Variants in CD69 observed in about 807,000 individuals in gnomAD.
The protein encoded by CD69 is CD69 molecule.
A neutral mutation model predicts 21.4 loss-of-function variants in CD69; 10 were observed. That is an observed-to-expected ratio of 0.47 (90% CI 0.29 to 0.79). CD69 has a LOEUF of 0.79. Among genes scored for constraint, CD69 ranks in the 30% least tolerant of loss-of-function variants. The probability of loss-of-function intolerance (pLI) is 0.09; values close to 1 mark genes in which losing one functional copy is unlikely to be tolerated. For synonymous variants in CD69, 63 were observed against 78.2 expected, an observed-to-expected ratio of 0.81 and a Z score of 1.03; for missense variants, 204 against 236.9, an observed-to-expected ratio of 0.86 and a Z score of 0.91.
chr12:9,756,554 A>G (rs1425376281), intron 1 of CD69, 135 bp from the exon 2 acceptor site: 1 of 731,184 alleles, frequency 1.4e-6, no homozygotes, highest in Non-Finnish European at 2.1e-6. Flanking sequence ...CTTTATAGAA[A>G]TTTCTAAGTT....
At chr12:9,754,816 A>G in intron 3 of CD69, 126 bp from the exon 4 acceptor site, 1 of 733,248 alleles carries the variant, frequency 1.4e-6, no homozygotes, top group Non-Finnish European at 2.4e-6. Flanking sequence ...CTCATTCTAT[A>G]TAGGATCAGC....
At chr12:9,759,659 A>G (rs1301909495) in intron 1 of CD69, among the ~76,000 whole-genome samples, 1 of 152,098 alleles carries the variant, frequency 6.6e-6, no homozygotes, top group East Asian at 1.9e-4. Flanking sequence ...TCGGAAGTAA[A>G]CTAATATAGT....
At chr12:9,755,309 C>T (rs1207580815) in intron 2 of CD69, 48 bp from the exon 3 acceptor site, 1 of 1,479,544 alleles carries the variant, frequency 6.8e-7, no homozygotes, top group Non-Finnish European at 9.5e-7. Flanking sequence ...AAACCAAATA[C>T]CCACAGCATG....
chr12:9,755,010 G>T (rs752878544), intron 3 of CD69, 52 bp downstream of exon 3: 7 of 1,416,612 alleles, frequency 4.9e-6, no homozygotes, highest in South Asian at 1.2e-5. Context: ...GGAAAGCACT[G>T]ATTAGCCATA....
intron 4 of CD69, chr12:9,754,349 A>G (rs1476370414): frequency 3.3e-6 from 1 of 301,798 alleles, no homozygotes; most frequent in Non-Finnish European, 6.1e-6. Flanking sequence ...CTCACATTAG[A>G]GTTTGCTGAG....
chr12:9,757,253 G>A (rs866247604), intron 1 of CD69, among the ~76,000 whole-genome samples: 5 of 152,162 alleles, frequency 3.3e-5, no homozygotes, highest in African/African-American at 7.2e-5. Context: ...AATTTTAAAC[G>A]TGACAGTATT....
In CD69 at chr12:9,760,779, C is replaced by T. The variant is rs755533294; in HGVS notation, c.42G>A (p.Leu14=). 3.7e-6 allele frequency: 6 copies of T among 1,612,906 alleles called. No individual in the cohort carries two copies. The South Asian group carries it at 5.5e-5, about 15-fold the overall frequency. ...TACTTTCTTGTCCACTCTCCGGATG[C>T]AAAGAGCTGTTCTCTGCTACGAAAC... ...ENCFVAENSS[L]HPESGQENDA... The change falls in exon 1 of 5, where the codon TTG becomes TTA. Residue 14 remains leucine (L), a synonymous_variant. Transcript: ENST00000228434.
At chr12:9,756,601 A>T (rs1866681514) in intron 1 of CD69, among the ~76,000 whole-genome samples, 182 bp from the exon 2 acceptor site, 1 of 152,158 alleles carries the variant, frequency 6.6e-6, no homozygotes, top group African/African-American at 2.4e-5. Context: ...TGAATAGTTT[A>T]TTGTTGGCTT....
intron 2 of CD69, among the ~76,000 whole-genome samples, chr12:9,755,741 AC>A (rs1866674207): frequency 6.6e-6 from 1 of 152,214 alleles, no homozygotes; most frequent in Non-Finnish European, 1.5e-5. Flanking sequence ...ATATCTCAAA[AC>A]AATGGTAAAC....
intron 1 of CD69, 98 bp downstream of exon 1, chr12:9,760,659 A>C: frequency 2.4e-6 from 2 of 846,712 alleles, no homozygotes; most frequent in Non-Finnish European, 1.9e-6. Context: ...AAGATTATAT[A>C]TCATATATAG....
intron 1 of CD69, among the ~76,000 whole-genome samples, chr12:9,758,267 C>A (rs183870410): frequency 2.8e-4 from 43 of 152,108 alleles, no homozygotes; most frequent in Middle Eastern, 3.4e-3. Flanking sequence ...TCTTAAAATG[C>A]GGCCCCACAA....
At chr12:9,757,622 CAAAAAAAATGT>C (rs1253291751) in intron 1 of CD69, among the ~76,000 whole-genome samples, 1 of 151,314 alleles carries the variant, frequency 6.6e-6, no homozygotes, top group African/African-American at 2.4e-5. Context: ...AAGGAATCTC[CAAAAAAAATGT>C]TGAGTGAAAA....
At chr12:9,756,458 A>G in intron 1 of CD69, 39 bp from the exon 2 acceptor site, 1 of 1,574,296 alleles carries the variant, frequency 6.4e-7, no homozygotes, top group Non-Finnish European at 8.7e-7. Flanking sequence ...CAGGCAGACT[A>G]TAGAAGTACT....
chr12:9,756,464 G>A (rs201305935), intron 1 of CD69, 45 bp from the exon 2 acceptor site: 1 of 1,524,968 alleles, frequency 6.6e-7, no homozygotes, highest in South Asian at 1.2e-5. Context: ...GACTATAGAA[G>A]TACTATAGGA....
At chr12:9,756,604 G>T (rs778122495) in intron 1 of CD69, among the ~76,000 whole-genome samples, 185 bp from the exon 2 acceptor site, 2 of 152,006 alleles carry the variant, frequency 1.3e-5, no homozygotes, top group Non-Finnish European at 2.9e-5. Context: ...ATAGTTTATT[G>T]TTGGCTTGAA....
At chr12:9,756,637 A>G (rs1866681817) in intron 1 of CD69, among the ~76,000 whole-genome samples, 1 of 152,190 alleles carries the variant, frequency 6.6e-6, no homozygotes, top group Non-Finnish European at 1.5e-5. Flanking sequence ...AAGCATAATG[A>G]TGAGATTATA....
Position 9,753,283 on chromosome 12 carries a change from A to T in CD69, c.*198T>A, listed in dbSNP as rs1334092290. ...TGTGATGCTTCTAGCTCATGGCAATAAAAGCCCACAGTGCAGATTTTCCTG... is the reference window on the plus strand; with the variant it reads ...TGTGATGCTTCTAGCTCATGGCAATTAAAGCCCACAGTGCAGATTTTCCTG... On this transcript the variant is annotated 3_prime_UTR_variant, in exon 5 of 5. Coordinates refer to ENST00000228434, the MANE Select transcript of CD69 (RefSeq NM_001781.2). 2.7e-6 allele frequency: 1 copy of T among 372,162 alleles called. No individual in the cohort carries two copies. The highest frequency in any genetic ancestry group is 4.8e-6 in the Non-Finnish European group (1 of 206,938). 23.1% of individuals were successfully genotyped at this position (372,162 alleles called of 1,614,324 possible). A position where few individuals can be genotyped will look rare whatever the true frequency, so the allele number is the denominator to read the frequency against.
At chr12:9,755,719 A>C (rs1340599528) in intron 2 of CD69, among the ~76,000 whole-genome samples, 2 of 152,252 alleles carry the variant, frequency 1.3e-5, no homozygotes, top group African/African-American at 2.4e-5. Flanking sequence ...ACAGAAAGAC[A>C]TATGACTCAG....
intron 4 of CD69, 174 bp downstream of exon 4, chr12:9,754,411 AAG>A (rs1481001223): frequency 2.1e-6 from 1 of 468,768 alleles, no homozygotes; most frequent in African/African-American, 2.0e-5. Context: ...GATAAAGAAA[AAG>A]AATAATAATA....
Sources: gnomAD v4.1 joint callset for allele counts (sites outside exome capture counted in the v4.1 genomes callset) on GRCh38, gnomAD v4.1.1 for gene constraint, MANE v1.5 for transcripts, NCBI Gene and HGNC (gene_info 2026-07-23, HGNC 2026-07-21) for gene names.